ZC3H13: variants seen among roughly 807,000 people sequenced by gnomAD.
ZC3H13 encodes the protein zinc finger CCCH domain-containing protein 13.
In ZC3H13, 64 loss-of-function variants were observed where a neutral mutation model predicts 204.1. That is an observed-to-expected ratio of 0.31 (90% CI 0.26 to 0.39). The LOEUF is 0.39. Ranked by LOEUF, ZC3H13 falls within the 10% of genes least tolerant of loss-of-function variation. ZC3H13 has a pLI of 1.00. For synonymous variants in ZC3H13, 667 were observed against 693.7 expected, an observed-to-expected ratio of 0.96 and a Z score of 0.60; for missense variants, 1,833 against 2,082.7, an observed-to-expected ratio of 0.88 and a Z score of 2.33.
chr13:46,019,498 A>G (rs1008104112), intron 5 of ZC3H13, among the ~76,000 whole-genome samples: 4 of 152,180 alleles, frequency 2.6e-5, no homozygotes, highest in Non-Finnish European at 5.9e-5. Flanking sequence ...AAAGCTATTG[A>G]AATAATAAGA....
intron 12 of ZC3H13, among the ~76,000 whole-genome samples, chr13:45,974,575 C>T (rs538582242): frequency 1.4e-3 from 214 of 152,226 alleles, no homozygotes; most frequent in South Asian, 4.4e-3. Context: ...TTTTTTGACC[C>T]CAAAGAACTA....
At position 45,975,914 on chromosome 13, in the gene ZC3H13, A is replaced by C. The variant is rs1053095374; in HGVS notation, c.1913-76T>G. On this transcript the variant is annotated intron_variant, in intron 11 of 18. Transcript: ENST00000679008. ...TGGTAAGACAGCATGGTAAATCTTA[A>C]ATTTTATCTGTGATAGGGTCACACT... 7.9e-6 allele frequency: 11 copies of C among 1,386,772 alleles called. No individual in the cohort carries two copies. The African/African-American group carries it at 3.5e-4, about 44-fold the overall frequency. The allele number at this position is 1,386,772 out of a possible 1,614,324, so 85.9% of individuals were successfully genotyped here. A position where few individuals can be genotyped will look rare whatever the true frequency, so the allele number is the denominator to read the frequency against.
At position 45,969,576 on chromosome 13, in the gene ZC3H13, G is replaced by T; in HGVS notation, c.2968C>A (p.Gln990Lys). 1 of 1,609,662 alleles carries T rather than the reference G, an allele frequency of 6.2e-7. No homozygotes were observed. Among genetic ancestry groups the T allele is most frequent in the South Asian group, 1.1e-5 (1 of 89,776 alleles). The change falls in exon 14 of 19, where the codon CAA becomes AAA. Residue 990 changes from glutamine to lysine, a missense_variant. Gln to Lys is a moderately conservative substitution (Grantham distance 53). Around this residue, in one of 5 missense-constraint regions of ZC3H13, gnomAD observed 1,574 missense variants for 1,757.2 expected, o/e 0.90. Coordinates refer to ENST00000679008, the MANE Select transcript of ZC3H13 (RefSeq NM_001330564.2). Reference sequence around the variant, plus strand: ...TGTCCTTTTTTTGGTGAAAATACTTGACCATCTTCAGATGTTGTCTCTATG... The same window carrying T: ...TGTCCTTTTTTTGGTGAAAATACTTTACCATCTTCAGATGTTGTCTCTATG... ...GNIETTSEDG[Q>K]VFSPKKGQKK...
rs2043879331 is a variant in ZC3H13, at chr13:46,045,393, C to T, written c.115G>A (p.Glu39Lys). The change falls in exon 2 of 19, where the codon GAG becomes AAG. Residue 39 changes from glutamate (E) to lysine (K), a missense_variant and splice_region_variant. By Grantham distance (56) the Glu-to-Lys change is moderately conservative. This residue lies in a region of ZC3H13 where 18 missense variants were observed against 46.0 expected (regional missense o/e 0.39). Coordinates refer to ENST00000679008, the MANE Select transcript of ZC3H13 (RefSeq NM_001330564.2). ...RLGPSTGSTA[E>K]TQCRNWLKTG... is the part of the protein sequence containing the mutation. ...TGACTATACTAGTGACAACTCACCT[C>T]TGCTGTACTGCCAGTGCTGGGTCCA... The T allele has an allele frequency of 1.2e-6, 2 of 1,613,138 alleles. No homozygotes were observed. Among genetic ancestry groups the T allele is most frequent in the Non-Finnish European group, 1.7e-6 (2 of 1,179,202 alleles).
rs1952335483 is a variant in ZC3H13 at position 45,969,014 on chromosome 13, T to A, written c.3530A>T (p.Asp1177Val). ...KVETPHVTIE[D>V]AQHRKPMDQK... ...ATCCATAGGCTTGCGATGCTGTGCA[T>A]CTTCTATAGTCACGTGAGGCGTCTC... Residue 1177 changes from aspartate to valine, a missense_variant, in exon 14 of 19, where the codon GAT becomes GTT. By Grantham distance (152) the Asp-to-Val change is radical. This residue lies in a region of ZC3H13 where 1,574 missense variants were observed against 1,757.2 expected (regional missense o/e 0.90). Coordinates refer to ENST00000679008, the MANE Select transcript of ZC3H13 (RefSeq NM_001330564.2). The A allele has an allele frequency of 6.2e-7, 1 of 1,614,114 alleles. No homozygotes were observed. The highest frequency in any genetic ancestry group is 8.5e-7 in the Non-Finnish European group (1 of 1,180,046).
chr13:45,981,411 T>C (rs1488927496), intron 10 of ZC3H13, among the ~76,000 whole-genome samples: 2 of 152,150 alleles, frequency 1.3e-5, no homozygotes, highest in Non-Finnish European at 2.9e-5. Context: ...TGGTTCCAAG[T>C]CTTTGCTATT....
chr13:46,046,576 G>C (rs1449253011), intron 1 of ZC3H13, among the ~76,000 whole-genome samples: 3 of 151,230 alleles, frequency 2.0e-5, no homozygotes, highest in African/African-American at 7.3e-5. Context: ...GCTGAGGCAG[G>C]AGAATAGCAT....
Position 46,011,423 on chromosome 13 carries a change from T to C in ZC3H13, c.580A>G (p.Lys194Glu). The change falls in exon 6 of 19, where the codon AAA (lysine) becomes GAA (glutamate). Residue 194 changes from lysine to glutamate, a missense_variant. Physicochemically the swap from Lys to Glu is moderately conservative, Grantham distance 56 (BLOSUM62 1). Coordinates refer to ENST00000679008, the MANE Select transcript of ZC3H13 (RefSeq NM_001330564.2). ...NMEKREEIII[K>E]KEVSPEVVRS... ...TGCAATAAATAGCATACCTCCTTTT[T>C]AATGATAATTTCTTCTCTCTTCTCC... is the stretch of plus-strand genomic sequence containing the variant. 6.2e-7 allele frequency: 1 copy of C among 1,605,488 alleles called. No homozygotes were observed. The highest frequency in any genetic ancestry group is 8.5e-7 in the Non-Finnish European group (1 of 1,177,040).
Position 45,979,965 on chromosome 13 carries a change from C to T in ZC3H13, c.1760G>A (p.Ser587Asn), listed in dbSNP as rs1412666716. 1.2e-6 allele frequency: 2 copies of T among 1,608,658 alleles called. No homozygotes were observed. Among genetic ancestry groups the T allele is most frequent in the Non-Finnish European group, 1.7e-6 (2 of 1,178,062 alleles). ...GCTGTCATGATAGTTGCTATTACTA[C>T]TGTGACTATCAATTTGAGAACCTCT... ...GSRGSQIDSH[S>N]SNSNYHDSWE... Residue 587 changes from serine to asparagine, a missense_variant, in exon 11 of 19, where the codon AGT (serine) becomes AAT (asparagine). Ser to Asn is a conservative substitution (Grantham distance 46, BLOSUM62 1). Around this residue, in one of 5 missense-constraint regions of ZC3H13, gnomAD observed 1,574 missense variants for 1,757.2 expected, o/e 0.90. Transcript: ENST00000679008.
intron 7 of ZC3H13, among the ~76,000 whole-genome samples, chr13:46,004,437 G>T (rs916975580): frequency 5.9e-5 from 9 of 152,076 alleles, no homozygotes; most frequent in Non-Finnish European, 1.3e-4. Flanking sequence ...CTACTCCAGA[G>T]GCTGAGGCAG....
intron 12 of ZC3H13, among the ~76,000 whole-genome samples, chr13:45,974,507 G>A (rs1162821379): frequency 6.6e-6 from 1 of 152,174 alleles, no homozygotes; most frequent in African/African-American, 2.4e-5. Flanking sequence ...GTTCTTTTCT[G>A]GTTAAAAGGG....
At chr13:46,000,296 A>G (rs2040648863) in intron 8 of ZC3H13, among the ~76,000 whole-genome samples, 1 of 152,188 alleles carries the variant, frequency 6.6e-6, no homozygotes, top group Non-Finnish European at 1.5e-5. Flanking sequence ...GGCTGTATCA[A>G]CTACACTGAA....
At position 45,985,535 on chromosome 13, in the gene ZC3H13, A is replaced by T; in HGVS notation, c.1482T>A (p.Asp494Glu). The change falls in exon 10 of 19, where the codon GAT becomes GAA. Residue 494 changes from aspartate to glutamate, a missense_variant. Coordinates refer to ENST00000679008, the MANE Select transcript of ZC3H13 (RefSeq NM_001330564.2). Reference sequence around the variant, plus strand: ...CACGAGTGGACCGAGAATCTCTGGGATCACGGCTCTCTTTGGTATCTCTGC... The same window carrying T: ...CACGAGTGGACCGAGAATCTCTGGGTTCACGGCTCTCTTTGGTATCTCTGC... ...DYSRDTKESR[D>E]PRDSRSTRDA... The T allele has an allele frequency of 6.2e-7, 1 of 1,614,136 alleles. No homozygotes were observed. Among genetic ancestry groups the T allele is most frequent in the Non-Finnish European group, 8.5e-7 (1 of 1,180,018 alleles).
chr13:46,022,898 T>C (rs2042303972), intron 4 of ZC3H13, among the ~76,000 whole-genome samples: 1 of 140,380 alleles, frequency 7.1e-6, no homozygotes, highest in Non-Finnish European at 1.6e-5. Flanking sequence ...CTCCCAAATG[T>C]CTGTGTCTTA....
chr13:46,046,916 A>C (rs1255077909), intron 1 of ZC3H13, among the ~76,000 whole-genome samples: 2 of 152,206 alleles, frequency 1.3e-5, no homozygotes, highest in South Asian at 2.1e-4. Context: ...AGGAAAAAAA[A>C]CACCATACTA....
intron 12 of ZC3H13, among the ~76,000 whole-genome samples, chr13:45,971,559 C>T (rs1429636763): frequency 6.6e-6 from 1 of 152,156 alleles, no homozygotes; most frequent in Non-Finnish European, 1.5e-5. Flanking sequence ...CATTAAAATT[C>T]TAGAAATTAA....
chr13:45,998,599 A>C (rs1214255110), intron 8 of ZC3H13, among the ~76,000 whole-genome samples: 1 of 152,102 alleles, frequency 6.6e-6, no homozygotes, highest in Non-Finnish European at 1.5e-5. Context: ...CAATGAGCCA[A>C]GATTGTGCCA....
At chr13:45,983,091 A>C (rs1006944028) in intron 10 of ZC3H13, among the ~76,000 whole-genome samples, 1 of 152,140 alleles carries the variant, frequency 6.6e-6, no homozygotes, top group Non-Finnish European at 1.5e-5. Context: ...GTAGATTTGA[A>C]AGTGTAGTTA....
In ZC3H13 at chr13:45,989,077, T is replaced by TGTC; in HGVS notation, c.962_964dup (p.Gly321_Gln322insArg). The TGTC allele has an allele frequency of 1.2e-6, 2 of 1,613,666 alleles. No individual in the cohort carries two copies. Among genetic ancestry groups the TGTC allele is most frequent in the Non-Finnish European group, 1.7e-6 (2 of 1,179,558 alleles). On this transcript the variant is annotated inframe_insertion, in exon 9 of 19. Coordinates refer to ENST00000679008, the MANE Select transcript of ZC3H13 (RefSeq NM_001330564.2). Reference sequence around the variant, plus strand: ...TCTAGAAGATATAGGAGAATGATGCTGTCCTGCTGGGGAAGTAGACCTACA... The same window carrying TGTC: ...TCTAGAAGATATAGGAGAATGATGCTGTCGTCCTGCTGGGGAAGTAGACCTACA...
Sources: gnomAD v4.1 joint callset for allele counts (sites outside exome capture counted in the v4.1 genomes callset) on GRCh38, gnomAD v4.1.1 for gene constraint, gnomAD v4.1.1 regional missense constraint, MANE v1.5 for transcripts, NCBI Gene and HGNC (gene_info 2026-07-23, HGNC 2026-07-21) for gene names.